The following ADAMTSL2 variants were observed in gnomAD, a reference collection of about 807,000 sequenced individuals.
ADAMTSL2 encodes the protein ADAMTS like 2.
Under a neutral mutation model 117.0 loss-of-function variants are expected in ADAMTSL2, and 55 were observed. That is an observed-to-expected ratio of 0.47 (90% CI 0.38 to 0.59). The LOEUF (loss-of-function observed/expected upper bound fraction) is 0.59. ADAMTSL2 is among the 20% of genes least tolerant of loss of function. The pLI is 0.00. For missense variants in ADAMTSL2, 1,182 were observed against 1,354.5 expected (o/e 0.87, Z 2.00); for synonymous variants, 572 against 566.4 (o/e 1.01, Z -0.14).
chr9:133,561,298 ACTGGTCACGGGTGCCAAGGGGCAG>A lies in ADAMTSL2; in HGVS notation c.1747+5_1747+28del. ...CTGCAGTGCCACCTGCACCACAGGT[ACTGGTCACGGGTGCCAAGGGGCAG>A]CAACTGCCCTGAACCCATTTCCATG... On this transcript the variant is annotated splice_donor_5th_base_variant and intron_variant, in intron 12 of 18. Coordinates refer to ENST00000651351, the MANE Select transcript of ADAMTSL2 (RefSeq NM_014694.4). The A allele has an allele frequency of 6.3e-7, 1 of 1,587,176 alleles. No homozygotes were observed. Among genetic ancestry groups the A allele is most frequent in the Non-Finnish European group, 8.6e-7 (1 of 1,166,434 alleles).
chr9:133,541,183 C>T (rs557927716), intron 7 of ADAMTSL2, among the ~76,000 whole-genome samples, 182 bp downstream of exon 7: 21 of 152,278 alleles, frequency 1.4e-4, no homozygotes, highest in Admixed American at 1.2e-3. Flanking sequence ...CGTTGGCTTG[C>T]AAGAATGGGC....
intron 13 of ADAMTSL2, 33 bp downstream of exon 13, chr9:133,567,095 C>T (rs941104696): frequency 3.5e-5 from 56 of 1,586,172 alleles, no homozygotes; most frequent in African/African-American, 8.0e-5. Flanking sequence ...GGCAGGGGGT[C>T]GGCAGGGGGC....
rs921045903 is a variant in ADAMTSL2, at chr9:133,573,138, C to T, written c.2593-705C>T. ...CCAGGGCCTCCCACCCCACCCATCT[C>T]AGAGGACAGAGGGCTCAGGTCCCAG... On this transcript the variant is annotated intron_variant, in intron 17 of 18. Transcript: ENST00000651351. Among the ~76,000 whole-genome samples, 66 of 152,368 alleles carry T rather than the reference C, an allele frequency of 4.3e-4. No individual in the cohort carries two copies. In the South Asian group the frequency reaches 7.5e-3, roughly 17 times the overall value.
chr9:133,533,496 T>C (rs967012695), upstream of ADAMTSL2, among the ~76,000 whole-genome samples: 30 of 152,182 alleles, frequency 2.0e-4, no homozygotes, highest in Admixed American at 2.0e-4. Context: ...GAACCTCAGT[T>C]CTTCCACCTG....
intron 12 of ADAMTSL2, among the ~76,000 whole-genome samples, chr9:133,564,567 G>A (rs1160762897): frequency 2.0e-4 from 11 of 54,466 alleles, no homozygotes; most frequent in South Asian, 9.0e-4. Flanking sequence ...AGAGAGAGAG[G>A]GAGAGGGAGA....
chr9:133,553,472 A>T (rs1830533568), intron 9 of ADAMTSL2, among the ~76,000 whole-genome samples: 1 of 152,082 alleles, frequency 6.6e-6, no homozygotes, highest in African/African-American at 2.4e-5. Flanking sequence ...AAACCTCTGC[A>T]AGTTTTTAAC....
chr9:133,553,245 C>G (rs1458660862), intron 9 of ADAMTSL2, among the ~76,000 whole-genome samples: 3 of 152,114 alleles, frequency 2.0e-5, no homozygotes, highest in Admixed American at 6.5e-5. Context: ...ATCCCCACAC[C>G]CCGAGTCTCA....
At chr9:133,549,498 C>T (rs1045310383) in intron 9 of ADAMTSL2, among the ~76,000 whole-genome samples, 2 of 151,276 alleles carry the variant, frequency 1.3e-5, no homozygotes, top group African/African-American at 2.4e-5. Flanking sequence ...GCAGGTGCCA[C>T]ATAGATTCTT....
intron 1 of ADAMTSL2, 135 bp from the exon 2 acceptor site, chr9:133,536,428 T>C (rs1830053101): frequency 7.6e-7 from 1 of 1,308,324 alleles, no homozygotes; most frequent in African/African-American, 1.5e-5. Context: ...CTGCATGCCC[T>C]TGGATCAAGG....
chr9:133,537,539 GC>G lies in ADAMTSL2; in HGVS notation c.226del (p.Gln76SerfsTer141). 7.4e-7 allele frequency: 1 copy of G among 1,350,550 alleles called. No homozygotes were observed. The highest frequency in any genetic ancestry group is 9.6e-7 in the Non-Finnish European group (1 of 1,042,186). The allele number at this position is 1,350,550 out of a possible 1,614,324, so 83.7% of individuals were successfully genotyped here. A position where few individuals can be genotyped will look rare whatever the true frequency, so the allele number is the denominator to read the frequency against. ...TGACATCCCAGGAGCGGCACTGCCT[GC>G]AGCAGAGGTGCGAGGTTGGGCACGT... ...GVTSQERHCL[Q>X]QRRKSVPGPG... On this transcript the variant is annotated frameshift_variant, in exon 3 of 19. Coordinates refer to ENST00000651351, the MANE Select transcript of ADAMTSL2 (RefSeq NM_014694.4). LOFTEE classifies it high-confidence loss of function.
intron 11 of ADAMTSL2, among the ~76,000 whole-genome samples, chr9:133,559,828 G>A (rs1029434549): frequency 7.9e-5 from 12 of 152,108 alleles, no homozygotes; most frequent in Admixed American, 2.6e-4. Flanking sequence ...CTGGGCCTTG[G>A]TCCCCATGCC....
intron 8 of ADAMTSL2, among the ~76,000 whole-genome samples, chr9:133,545,832 C>T (rs1830335018): frequency 6.6e-6 from 1 of 152,160 alleles, no homozygotes; most frequent in Non-Finnish European, 1.5e-5. Flanking sequence ...TGTGCATATA[C>T]CTGGAAACAG....
rs1253101719 is a variant in ADAMTSL2, at chr9:133,534,736, C to G, written c.-332C>G. ...TGCGCCCCTCCCGGGAACCCCCTCTCTTGGATGCTCTTTGAAGTGGGAGAG... is the reference window on the plus strand; with the variant it reads ...TGCGCCCCTCCCGGGAACCCCCTCTGTTGGATGCTCTTTGAAGTGGGAGAG... On this transcript the variant is annotated 5_prime_UTR_variant, in exon 1 of 19. Coordinates refer to ENST00000651351, the MANE Select transcript of ADAMTSL2 (RefSeq NM_014694.4). 1.4e-6 allele frequency: 2 copies of G among 1,411,360 alleles called. No homozygotes were observed. The highest frequency in any genetic ancestry group is 1.9e-6 in the Non-Finnish European group (2 of 1,075,268). The allele number at this position is 1,411,360 out of a possible 1,614,324, so 87.4% of individuals were successfully genotyped here.
rs887527487 is a variant in ADAMTSL2 at position 133,574,909 on chromosome 9, C to T, written c.*45C>T. On this transcript the variant is annotated 3_prime_UTR_variant, in exon 19 of 19. Coordinates refer to ENST00000651351, the MANE Select transcript of ADAMTSL2 (RefSeq NM_014694.4). The stretch of plus-strand genomic sequence containing the variant: ...TTCCAGATGAAGACCAAGCGCCCCT[C>T]CTGGGGCTGCTGCAGCTTCTGGGGC... 3.3e-6 allele frequency: 5 copies of T among 1,494,282 alleles called. No homozygotes were observed. Among genetic ancestry groups the T allele is most frequent in the African/African-American group, 1.4e-5 (1 of 72,670 alleles). 92.6% of individuals were successfully genotyped at this position (1,494,282 alleles called of 1,614,324 possible).
At chr9:133,552,993 C>T (rs943045428) in intron 9 of ADAMTSL2, among the ~76,000 whole-genome samples, 1 of 152,214 alleles carries the variant, frequency 6.6e-6, no homozygotes, top group Non-Finnish European at 1.5e-5. Context: ...GCCCCTTCTC[C>T]CAGGACTGCC....
chr9:133,555,409 G>A (rs970696949), intron 10 of ADAMTSL2, 149 bp from the exon 11 acceptor site: 194 of 959,258 alleles, frequency 2.0e-4, no homozygotes, highest in Non-Finnish European at 2.6e-4. Flanking sequence ...CCCGAATTAC[G>A]TCCTCTAGTT....
At chr9:133,544,378 C>A in intron 7 of ADAMTSL2, 92 bp from the exon 8 acceptor site, 1 of 1,079,432 alleles carries the variant, frequency 9.3e-7, no homozygotes, top group Non-Finnish European at 1.4e-6. Context: ...AGACAGCCAC[C>A]GCTCACCCTC....
At chr9:133,555,982 G>T in intron 11 of ADAMTSL2, 52 bp downstream of exon 11, 1 of 1,592,766 alleles carries the variant, frequency 6.3e-7, no homozygotes, top group South Asian at 1.1e-5. Flanking sequence ...GGCAGGATGG[G>T]GCCGAGGCCA....
intron 3 of ADAMTSL2, 27 bp from the exon 4 acceptor site, chr9:133,538,322 C>A: frequency 6.2e-7 from 1 of 1,612,588 alleles, no homozygotes; most frequent in Non-Finnish European, 8.5e-7. Context: ...CTGCAGCCCT[C>A]ACTCCGAGCC....
Sources: gnomAD v4.1 joint callset for allele counts (sites outside exome capture counted in the v4.1 genomes callset) on GRCh38, gnomAD v4.1.1 for gene constraint, MANE v1.5 for transcripts, NCBI Gene and HGNC (gene_info 2026-07-23, HGNC 2026-07-21) for gene names.